Variants in CACNA1D observed in about 807,000 individuals in gnomAD.
CACNA1D encodes voltage-dependent L-type calcium channel subunit alpha-1D.
A neutral mutation model predicts 257.1 loss-of-function variants in CACNA1D; 55 were observed. That is an observed-to-expected ratio of 0.21 (90% CI 0.17 to 0.27). CACNA1D has a LOEUF of 0.27. Among genes scored for constraint, CACNA1D ranks in the 10% least tolerant of loss-of-function variants. CACNA1D has a pLI of 1.00. For synonymous variants in CACNA1D, 980 were observed against 1,014.9 expected (o/e 0.97, Z 0.65); for missense variants, 1,876 against 2,784.0 (o/e 0.67, Z 7.34).
intron 30 of CACNA1D, among the ~76,000 whole-genome samples, chr3:53,763,919 G>A (rs556825331): frequency 9.2e-5 from 14 of 152,078 alleles, no homozygotes; most frequent in African/African-American, 1.7e-4. Context: ...CGGAATATTC[G>A]GGAAAATGCT....
chr3:53,526,707 T>A (rs2091777434), intron 3 of CACNA1D, among the ~76,000 whole-genome samples: 1 of 152,094 alleles, frequency 6.6e-6, no homozygotes, highest in Admixed American at 6.6e-5. Context: ...CCAACTTTTC[T>A]CCCCCCGGTT....
chr3:53,514,351 C>T (rs1220149765), intron 3 of CACNA1D, among the ~76,000 whole-genome samples: 1 of 150,926 alleles, frequency 6.6e-6, no homozygotes, highest in Non-Finnish European at 1.5e-5. Flanking sequence ...GAGAGGAGAC[C>T]ATGGGGGAGC....
chr3:53,623,204 GAGAA>G (rs1418381784), intron 3 of CACNA1D, among the ~76,000 whole-genome samples: 1 of 152,220 alleles, frequency 6.6e-6, no homozygotes, highest in Non-Finnish European at 1.5e-5. Flanking sequence ...AGCCTTAAAA[GAGAA>G]AGCGCGGTGT....
chr3:53,743,204 C>G, intron 22 of CACNA1D, 87 bp downstream of exon 22: 1 of 815,680 alleles, frequency 1.2e-6, no homozygotes, highest in African/African-American at 1.7e-5. Context: ...GGCTGGGCAT[C>G]ATTTTCATGA....
intron 40 of CACNA1D, chr3:53,792,241 A>G (rs975523724): frequency 6.6e-6 from 1 of 152,186 alleles, no homozygotes; most frequent in African/African-American, 2.4e-5. Context: ...ACATCTTAAG[A>G]ATAGCAGATT....
chr3:53,509,272 GCC>G (rs750296868), intron 3 of CACNA1D, among the ~76,000 whole-genome samples: 5 of 145,656 alleles, frequency 3.4e-5, no homozygotes, highest in African/African-American at 1.3e-4. Context: ...GAGCTCCACA[GCC>G]CCCTCTGTGT....
intron 3 of CACNA1D, among the ~76,000 whole-genome samples, chr3:53,565,904 T>C (rs770167580): frequency 6.2e-4 from 95 of 152,302 alleles, no homozygotes; most frequent in Middle Eastern, 3.4e-3. Flanking sequence ...AAATGTGATA[T>C]CAGAGTAATA....
chr3:53,805,584 G>C (rs58254944), intron 45 of CACNA1D, among the ~76,000 whole-genome samples: 48,087 of 152,008 alleles, frequency 0.32, 12,225 homozygotes, highest in African/African-American at 0.7. Context: ...TGGCTGTGCC[G>C]CAGGCCTGTC....
chr3:53,570,094 G>A (rs972760854), intron 3 of CACNA1D, among the ~76,000 whole-genome samples: 2 of 152,168 alleles, frequency 1.3e-5, no homozygotes, highest in African/African-American at 2.4e-5. Context: ...CTGGCCGTTG[G>A]TCTTTGGTTC....
chr3:53,676,091 G>T (rs2094373543), intron 8 of CACNA1D, among the ~76,000 whole-genome samples: 1 of 152,218 alleles, frequency 6.6e-6, no homozygotes, highest in African/African-American at 2.4e-5. Flanking sequence ...GACACAGACA[G>T]CGGCCTTGTG....
intron 30 of CACNA1D, among the ~76,000 whole-genome samples, chr3:53,767,222 A>G (rs576520949): frequency 6.6e-6 from 1 of 152,242 alleles, no homozygotes; most frequent in South Asian, 2.1e-4. Flanking sequence ...CCAGGACTGG[A>G]GTTCTCAGCT....
At chr3:53,524,327 AAC>A (rs2091685193) in intron 3 of CACNA1D, among the ~76,000 whole-genome samples, 1 of 152,238 alleles carries the variant, frequency 6.6e-6, no homozygotes, top group African/African-American at 2.4e-5. Context: ...CCGTGCCATA[AAC>A]ACAGAATATC....
chr3:53,558,375 T>A (rs2092682523), intron 3 of CACNA1D, among the ~76,000 whole-genome samples: 2 of 152,242 alleles, frequency 1.3e-5, no homozygotes, highest in Admixed American at 1.3e-4. Flanking sequence ...TTAAGCCATA[T>A]GGGTTTGGCC....
At chr3:53,574,994 G>A (rs2093011457) in intron 3 of CACNA1D, among the ~76,000 whole-genome samples, 3 of 152,248 alleles carry the variant, frequency 2.0e-5, no homozygotes. Context: ...TCTTGAGACA[G>A]GGGCGCAGGC....
chr3:53,508,639 C>G (rs2090967833), intron 3 of CACNA1D, among the ~76,000 whole-genome samples: 1 of 152,202 alleles, frequency 6.6e-6, no homozygotes, highest in Admixed American at 6.5e-5. Flanking sequence ...ACAGAGACCT[C>G]TGTAGCAGAT....
At chr3:53,655,493 T>C (rs142557876) in intron 4 of CACNA1D, among the ~76,000 whole-genome samples, 94 of 152,314 alleles carry the variant, frequency 6.2e-4, no homozygotes, top group African/African-American at 2.2e-3. Flanking sequence ...TTTTTTGACT[T>C]TTTAAGAGTA....
intron 33 of CACNA1D, 60 bp downstream of exon 33, chr3:53,772,958 C>A: frequency 1.5e-6 from 2 of 1,335,786 alleles, no homozygotes; most frequent in Non-Finnish European, 2.2e-6. Flanking sequence ...AAATCTGTGG[C>A]AAGATGTACC....
intron 5 of CACNA1D, among the ~76,000 whole-genome samples, chr3:53,662,277 G>T (rs1292296579): frequency 6.6e-6 from 1 of 152,138 alleles, no homozygotes; most frequent in African/African-American, 2.4e-5. Context: ...CATTTGTGGA[G>T]TTCTTAAGCA....
At chr3:53,534,071 C>T (rs890445522) in intron 3 of CACNA1D, among the ~76,000 whole-genome samples, 3 of 152,134 alleles carry the variant, frequency 2.0e-5, no homozygotes, top group Non-Finnish European at 4.4e-5. Context: ...GCAGCATTCC[C>T]ATCTGTAGGT....
Sources: gnomAD v4.1 joint callset for allele counts (sites outside exome capture counted in the v4.1 genomes callset) on GRCh38, gnomAD v4.1.1 for gene constraint, MANE v1.5 for transcripts, NCBI Gene and HGNC (gene_info 2026-07-23, HGNC 2026-07-21) for gene names.